ITGA11: variants seen among roughly 807,000 people sequenced by gnomAD.
ITGA11 encodes the protein integrin subunit alpha 11, also known as integrin alpha-11.
A neutral mutation model predicts 141.9 loss-of-function variants in ITGA11; 97 were observed. The observed-to-expected ratio is 0.68, with a 90% CI of 0.58 to 0.81. The LOEUF (loss-of-function observed/expected upper bound fraction) is 0.81. ITGA11 is among the 30% of genes least tolerant of loss of function. The probability of loss-of-function intolerance (pLI) is 0.00; values close to 1 mark genes in which losing one functional copy is unlikely to be tolerated. For synonymous variants in ITGA11, 658 were observed against 624.6 expected (o/e 1.05, Z -0.80); for missense variants, 1,387 against 1,559.2 (o/e 0.89, Z 1.86).
At chr15:68,317,464 C>A in intron 20 of ITGA11, 101 bp from the exon 21 acceptor site, 1 of 816,946 alleles carries the variant, frequency 1.2e-6, no homozygotes, top group Non-Finnish European at 2.2e-6. Context: ...CTGCAGGGGC[C>A]GCCTCAGCCC....
In ITGA11 at chr15:68,324,155, C is replaced by A. The variant is rs529617690; in HGVS notation, c.2322+976G>T. Reference sequence around the variant, plus strand: ...AGGAGAAAGAGGGGAGGTGTGAGGACGGAGGTTTGGCAGGGGACTGTGGGA... The same window carrying A: ...AGGAGAAAGAGGGGAGGTGTGAGGAAGGAGGTTTGGCAGGGGACTGTGGGA... On this transcript the variant is annotated intron_variant, in intron 18 of 29. Transcript: ENST00000315757. The surrounding 1 kb of genome is among the most constrained non-coding windows in gnomAD (Gnocchi z 6.3). Among the ~76,000 whole-genome samples the A allele has an allele frequency of 7.6e-6, 1 of 131,470 alleles. No homozygotes were observed. The highest frequency in any genetic ancestry group is 2.9e-5 in the African/African-American group (1 of 34,232). The allele number at this position is 131,470 out of a possible 152,430, so 86.2% of individuals were successfully genotyped here.
chr15:68,339,318 G>T (rs181875925), intron 11 of ITGA11, among the ~76,000 whole-genome samples, 182 bp downstream of exon 11: 100 of 152,324 alleles, frequency 6.6e-4, no homozygotes, highest in Middle Eastern at 3.4e-3. Context: ...ATGGTGCTGG[G>T]CGCGGTGGAT....
intron 22 of ITGA11, among the ~76,000 whole-genome samples, chr15:68,314,802 G>A (rs895320105): frequency 2.0e-5 from 3 of 152,236 alleles, no homozygotes; most frequent in Non-Finnish European, 2.9e-5. Flanking sequence ...ACGCGAGCAC[G>A]TGTCGGGTAT....
In ITGA11 at chr15:68,335,549, C is replaced by G. The variant is rs1021821154; in HGVS notation, c.1425+148G>C. On this transcript the variant is annotated intron_variant, in intron 12 of 29. Transcript: ENST00000315757. The surrounding 1 kb of genome is among the most constrained non-coding windows in gnomAD (Gnocchi z 4.9). ...TCTGTAGGTGGATGCGCACTCCTGC[C>G]ACTCCTGGCAGCATGAAGGTGGCTG... 3.4e-6 allele frequency: 3 copies of G among 889,648 alleles called. No individual in the cohort carries two copies. In the South Asian group the frequency reaches 4.9e-5, roughly 15 times the overall value. 55.1% of individuals were successfully genotyped at this position (889,648 alleles called of 1,614,324 possible). A position where few individuals can be genotyped will look rare whatever the true frequency, so the allele number is the denominator to read the frequency against.
At chr15:68,406,395 T>C (rs541441884) in intron 1 of ITGA11, among the ~76,000 whole-genome samples, 1 of 152,204 alleles carries the variant, frequency 6.6e-6, no homozygotes. Flanking sequence ...TCGCTGTCCT[T>C]CCAACTTCAG....
rs532256043 is a variant in ITGA11 at position 68,371,449 on chromosome 15, A to T, written c.165-2165T>A. 3.9e-5 allele frequency among the ~76,000 whole-genome samples: 6 copies of T among 152,330 alleles called. No homozygotes were observed. In the South Asian group the frequency reaches 1.0e-3, roughly 26 times the overall value. On this transcript the variant is annotated intron_variant, in intron 2 of 29. Transcript: ENST00000315757. ...CACGGCCAGCTGGGTGCAGTGGCTCATGCCTGTAATCCCAGTACTTTGGGA... is the reference window on the plus strand; with the variant it reads ...CACGGCCAGCTGGGTGCAGTGGCTCTTGCCTGTAATCCCAGTACTTTGGGA...
chr15:68,407,883 G>T (rs1033197252), intron 1 of ITGA11, among the ~76,000 whole-genome samples: 1 of 152,246 alleles, frequency 6.6e-6, no homozygotes, highest in Non-Finnish European at 1.5e-5. Flanking sequence ...GGTCCCAGGT[G>T]CTGAGGGCTG....
chr15:68,386,543 G>A (rs372952513), intron 2 of ITGA11, among the ~76,000 whole-genome samples: 18 of 152,302 alleles, frequency 1.2e-4, no homozygotes, highest in African/African-American at 4.1e-4. Flanking sequence ...AGGGCGATGA[G>A]AGTGAGGCTT....
chr15:68,335,550 A>T lies in ITGA11; in HGVS notation c.1425+147T>A. Reference sequence around the variant, plus strand: ...CTGTAGGTGGATGCGCACTCCTGCCACTCCTGGCAGCATGAAGGTGGCTGG... The same window carrying T: ...CTGTAGGTGGATGCGCACTCCTGCCTCTCCTGGCAGCATGAAGGTGGCTGG... On this transcript the variant is annotated intron_variant, in intron 12 of 29. Transcript: ENST00000315757. The surrounding 1 kb of genome is among the most constrained non-coding windows in gnomAD (Gnocchi z 4.9). 1.1e-6 allele frequency: 1 copy of T among 899,816 alleles called. No individual in the cohort carries two copies. Among genetic ancestry groups the T allele is most frequent in the Non-Finnish European group, 1.7e-6 (1 of 585,152 alleles). The allele number at this position is 899,816 out of a possible 1,614,324, so 55.7% of individuals were successfully genotyped here.
chr15:68,318,204 C>G (rs1367682593), intron 20 of ITGA11, among the ~76,000 whole-genome samples: 1 of 151,994 alleles, frequency 6.6e-6, no homozygotes, highest in African/African-American at 2.4e-5. Context: ...CTCTGCACCC[C>G]ACCTGCTATG....
chr15:68,388,008 A>G (rs60049994), intron 2 of ITGA11, among the ~76,000 whole-genome samples: 11,593 of 151,870 alleles, frequency 0.076, 906 homozygotes, highest in African/African-American at 0.2. Flanking sequence ...TCCCTGCCAA[A>G]CTGAAGGCCC....
In ITGA11 at chr15:68,307,458, G is replaced by C. The variant is rs191832978; in HGVS notation, c.3286-15C>G. 9.4e-3 allele frequency: 14,647 copies of C among 1,552,190 alleles called. 101 individuals are homozygous for C. The highest frequency in any genetic ancestry group is 0.025 in the Middle Eastern group (150 of 5,988). On this transcript the variant is annotated splice_polypyrimidine_tract_variant and intron_variant, in intron 27 of 29. Transcript: ENST00000315757. This position sits in a 1 kb window ranked among gnomAD's most constrained non-coding sequence, Gnocchi z 6.1. ...TTGTACTTGAGCTGTGCAATCAGAG[G>C]GCTCGTCAGAAGCTGGCTTGGAAGC...
At chr15:68,389,807 C>T (rs1229837191) in intron 2 of ITGA11, among the ~76,000 whole-genome samples, 1 of 152,124 alleles carries the variant, frequency 6.6e-6, no homozygotes, top group African/African-American at 2.4e-5. Context: ...TCTCTCCTCT[C>T]CAGGGGTGAG....
Position 68,410,041 on chromosome 15 carries a change from A to G in ITGA11, c.53-7012T>C, listed in dbSNP as rs145915653. 3.4e-3 allele frequency among the ~76,000 whole-genome samples: 512 copies of G among 151,818 alleles called. 2 individuals carry two copies. Among genetic ancestry groups the G allele is most frequent in the Non-Finnish European group, 4.4e-3 (302 of 68,022 alleles). ...TCATCTATCCCAGTCACATGCTCTA[A>G]GATCCTGCTCAATACAGAACTGACT... On this transcript the variant is annotated intron_variant, in intron 1 of 29. Coordinates refer to ENST00000315757, the MANE Select transcript of ITGA11 (RefSeq NM_001004439.2).
At chr15:68,348,213 A>G (rs1031513619) in intron 10 of ITGA11, among the ~76,000 whole-genome samples, 3 of 152,092 alleles carry the variant, frequency 2.0e-5, no homozygotes, top group African/African-American at 7.2e-5. Context: ...TGCTTGTGAC[A>G]CCACACCCCT....
intron 1 of ITGA11, among the ~76,000 whole-genome samples, chr15:68,407,748 G>A (rs897238368): frequency 1.3e-5 from 2 of 152,140 alleles, no homozygotes; most frequent in Non-Finnish European, 2.9e-5. Flanking sequence ...TTCAAAAAAA[G>A]CATCAGTCAG....
At chr15:68,416,507 A>G (rs1896889844) in intron 1 of ITGA11, among the ~76,000 whole-genome samples, 1 of 152,178 alleles carries the variant, frequency 6.6e-6, no homozygotes, top group Non-Finnish European at 1.5e-5. Flanking sequence ...CTCAAGGAAA[A>G]CAGGCCTAAA....
At chr15:68,397,047 A>T (rs372900726) in intron 2 of ITGA11, among the ~76,000 whole-genome samples, 2 of 6,124 alleles carry the variant, frequency 3.3e-4, no homozygotes, top group African/African-American at 1.4e-3. Context: ...TTATTATATA[A>T]TATATAATAT....
intron 3 of ITGA11, 43 bp from the exon 4 acceptor site, chr15:68,364,841 C>G (rs370528830): frequency 1.3e-6 from 2 of 1,564,784 alleles, no homozygotes; most frequent in South Asian, 1.1e-5. Flanking sequence ...CCCTCCTGCC[C>G]GCCCTCTGCC....
Sources: gnomAD v4.1 joint callset for allele counts (sites outside exome capture counted in the v4.1 genomes callset) on GRCh38, gnomAD v4.1.1 for gene constraint, Gnocchi (gnomAD v3.1) non-coding constraint, MANE v1.5 for transcripts, NCBI Gene and HGNC (gene_info 2026-07-23, HGNC 2026-07-21) for gene names.